The following PFKFB3 variants were observed in gnomAD, a reference collection of about 807,000 sequenced individuals.
The protein encoded by PFKFB3 is 6-phosphofructo-2-kinase/fructose-2,6-biphosphatase 3, also known as 6-phosphofructo-2-kinase/fructose-2,6-bisphosphatase 3.
A neutral mutation model predicts 68.0 loss-of-function variants in PFKFB3; 33 were observed. That is an observed-to-expected ratio of 0.49 (90% CI 0.37 to 0.65). The LOEUF is 0.65. Ranked by LOEUF, PFKFB3 falls within the 30% of genes least tolerant of loss-of-function variation. The pLI, the probability that PFKFB3 is intolerant of heterozygous loss-of-function variation, is 0.00. For synonymous variants in PFKFB3, 315 were observed against 288.2 expected (o/e 1.09, Z -0.94); for missense variants, 586 against 712.2 (o/e 0.82, Z 2.02).
the PFKFB3 span, among the ~76,000 whole-genome samples, chr10:6,261,436 C>A: frequency 2.0e-5 from 3 of 152,274 alleles, no homozygotes; most frequent in African/African-American, 7.2e-5. Flanking sequence ...AACAGAAAAC[C>A]AAATACTGCA....
rs1308579316 is a variant in PFKFB3 at position 6,203,322 on chromosome 10, C to T, written c.62C>T (p.Pro21Leu). 3.7e-6 allele frequency: 6 copies of T among 1,608,518 alleles called. No homozygotes were observed. Among genetic ancestry groups the T allele is most frequent in the Non-Finnish European group, 5.1e-6 (6 of 1,177,612 alleles). Reference sequence around the variant, plus strand: ...ATCTGGGTGCCCGTGGACCACAGGCCCTCGTTGCCCAGATGTGAGTGCAGC... The same window carrying T: ...ATCTGGGTGCCCGTGGACCACAGGCTCTCGTTGCCCAGATGTGAGTGCAGC... ...QKIWVPVDHRPSLPRSCGPKL... is the reference protein window; with the variant it reads ...QKIWVPVDHRLSLPRSCGPKL... The change falls in exon 1 of 15, where the codon CCC becomes CTC. Residue 21 changes from proline to leucine, a missense_variant. Pro to Leu is a moderately conservative substitution (Grantham distance 98). Coordinates refer to ENST00000379775, the MANE Select transcript of PFKFB3 (RefSeq NM_004566.4).
chr10:6,226,162 CT>C (rs775590451), intron 13 of PFKFB3, 29 bp from the exon 14 acceptor site: 1 of 1,530,052 alleles, frequency 6.5e-7, no homozygotes, highest in African/African-American at 1.4e-5. Context: ...TAACTGTCGC[CT>C]TTCTCTCTTT....
intron 1 of PFKFB3, among the ~76,000 whole-genome samples, chr10:6,184,410 A>AAAGCCCC (rs1842814385): frequency 6.6e-6 from 1 of 152,068 alleles, no homozygotes; most frequent in Admixed American, 6.6e-5. Context: ...ATTCTGGTTT[A>AAAGCCCC]ATCGGTCTGG....
the PFKFB3 span, chr10:6,294,113 C>A: frequency 4.0e-6 from 2 of 495,192 alleles, no homozygotes; most frequent in South Asian, 1.5e-5. Context: ...AAACCATGGT[C>A]ATATTTGCAT....
rs907872838 is a variant in PFKFB3, at chr10:6,234,745, C to T, written c.*1803C>T. 1 of 152,306 alleles carries T rather than the reference C, an allele frequency of 6.6e-6. No homozygotes were observed. Among genetic ancestry groups the T allele is most frequent in the Admixed American group, 6.5e-5 (1 of 15,274 alleles). The allele number at this position is 152,306 out of a possible 1,614,324, so 9.4% of individuals were successfully genotyped here. ...TGCTTTGCTCTTGAGAATAGTTTCT[C>T]GTGTCCCCCTCGCAGGCCTCATTCT... On this transcript the variant is annotated 3_prime_UTR_variant, in exon 15 of 15. Transcript: ENST00000379775.
chr10:6,189,165 T>C (rs1842961728), intron 1 of PFKFB3, among the ~76,000 whole-genome samples: 1 of 152,118 alleles, frequency 6.6e-6, no homozygotes, highest in Non-Finnish European at 1.5e-5. Context: ...AGGCTAATAT[T>C]CAATTGTCTG....
rs988409548 is a variant in PFKFB3, at chr10:6,154,575, G to A, written c.16+9562G>A. On this transcript the variant is annotated intron_variant, in intron 1 of 14. Transcript: ENST00000379789. The surrounding 1 kb of genome is among the most constrained non-coding windows in gnomAD (Gnocchi z 4.6). ...CTGAATTAACGTGACACCATAAAAC[G>A]TCTCCGCCACGGGTGGCTACTATCC... Among the ~76,000 whole-genome samples the A allele has an allele frequency of 1.3e-5, 2 of 152,120 alleles. No homozygotes were observed. Among genetic ancestry groups the A allele is most frequent in the Non-Finnish European group, 2.9e-5 (2 of 68,006 alleles).
At position 6,203,162 on chromosome 10, in the gene PFKFB3, G is replaced by A; in HGVS notation, c.-99G>A. ...AACGCCCGGCCGCGCGCCGGCGCAC[G>A]CCCCCCTCTCCTCCTTTGTTCCGGG... is the stretch of plus-strand genomic sequence containing the variant. On this transcript the variant is annotated 5_prime_UTR_variant, in exon 1 of 15. Transcript: ENST00000379775. The A allele has an allele frequency of 6.6e-7, 1 of 1,515,254 alleles. No individual in the cohort carries two copies. 93.9% of individuals were successfully genotyped at this position (1,515,254 alleles called of 1,614,324 possible).
intron 1 of PFKFB3, among the ~76,000 whole-genome samples, chr10:6,150,112 C>A (rs1412310082): frequency 6.6e-6 from 1 of 152,180 alleles, no homozygotes. Context: ...ATTCTATGCA[C>A]ATAGCACCTC....
intron 14 of PFKFB3, among the ~76,000 whole-genome samples, chr10:6,248,680 A>T (rs1009629349): frequency 1.5e-4 from 23 of 150,810 alleles, no homozygotes; most frequent in Non-Finnish European, 3.4e-4. Context: ...GATGTTTCTC[A>T]AAAGAAGACA....
At chr10:6,160,667 G>C (rs111845808) in intron 1 of PFKFB3, among the ~76,000 whole-genome samples, 18,981 of 137,516 alleles carry the variant, frequency 0.14, 1,489 homozygotes, top group Non-Finnish European at 0.18. Flanking sequence ...GCAGTGAGCT[G>C]AGATCTCGCC....
At chr10:6,160,661 T>C (rs548283197) in intron 1 of PFKFB3, among the ~76,000 whole-genome samples, 2 of 136,196 alleles carry the variant, frequency 1.5e-5, no homozygotes, top group East Asian at 4.4e-4. Context: ...GAGGCTGCAG[T>C]GAGCTGAGAT....
the PFKFB3 span, among the ~76,000 whole-genome samples, chr10:6,307,510 TTTCCTTCC>T: frequency 0.31 from 35,476 of 115,952 alleles, 6,080 homozygotes; most frequent in East Asian, 0.43. Context: ...TCCTTCTCTT[TTTCCTTCC>T]TTCCTTCCTT....
At chr10:6,315,128 G>T in the PFKFB3 span, among the ~76,000 whole-genome samples, 2 of 152,180 alleles carry the variant, frequency 1.3e-5, no homozygotes, top group African/African-American at 4.8e-5. Flanking sequence ...CAGTGAAAAG[G>T]AATGAAACTG....
the PFKFB3 span, among the ~76,000 whole-genome samples, chr10:6,281,166 C>CTCATATATATATATATATATATATAT: frequency 0.011 from 945 of 84,376 alleles, 279 homozygotes; most frequent in Non-Finnish European, 0.016. Context: ...AGTATTCCAT[C>CTCATATATATATATATATATATATAT]ATATATATAT....
At chr10:6,289,417 A>C in the PFKFB3 span, among the ~76,000 whole-genome samples, 1 of 152,124 alleles carries the variant, frequency 6.6e-6, no homozygotes, top group Admixed American at 6.6e-5. Flanking sequence ...TCAGCTTTCT[A>C]CATATGGCTA....
intron 14 of PFKFB3, among the ~76,000 whole-genome samples, chr10:6,242,042 C>T (rs913854969): frequency 1.6e-4 from 24 of 151,906 alleles, no homozygotes; most frequent in African/African-American, 5.8e-4. Context: ...AGTTGGGTGT[C>T]ACTATTTTGC....
chr10:6,231,061 C>G (rs965867548), intron 14 of PFKFB3, among the ~76,000 whole-genome samples: 1 of 152,058 alleles, frequency 6.6e-6, no homozygotes, highest in Non-Finnish European at 1.5e-5. Flanking sequence ...AAGATGGGGA[C>G]GAACAACTGT....
At chr10:6,204,099 C>T (rs1843526855) in intron 1 of PFKFB3, among the ~76,000 whole-genome samples, 1 of 152,186 alleles carries the variant, frequency 6.6e-6, no homozygotes, top group African/African-American at 2.4e-5. Context: ...AATTGGCTGG[C>T]AGTACCCTGC....
Sources: gnomAD v4.1 joint callset for allele counts (sites outside exome capture counted in the v4.1 genomes callset) on GRCh38, gnomAD v4.1.1 for gene constraint, Gnocchi (gnomAD v3.1) non-coding constraint, MANE v1.5 for transcripts, NCBI Gene and HGNC (gene_info 2026-07-23, HGNC 2026-07-21) for gene names.